Variants in SORCS1 observed in about 807,000 individuals in gnomAD.
SORCS1 encodes sortilin related VPS10 domain containing receptor 1.
A neutral mutation model predicts 146.1 loss-of-function variants in SORCS1; 60 were observed. The ratio of observed to expected loss-of-function variants is 0.41; its 90% CI spans 0.33 to 0.51. The LOEUF is 0.51. SORCS1 is among the 20% of genes least tolerant of loss of function. The pLI is 0.21. For synonymous variants in SORCS1, 637 were observed against 584.0 expected (o/e 1.09, Z -1.31); for missense variants, 1,352 against 1,487.6 (o/e 0.91, Z 1.50).
At chr10:106,622,863 G>A (rs1398487375) in intron 19 of SORCS1, among the ~76,000 whole-genome samples, 2 of 152,170 alleles carry the variant, frequency 1.3e-5, no homozygotes, top group Non-Finnish European at 2.9e-5. Context: ...GCAGATGGAA[G>A]TGTTTGAAAG....
rs144549300 is a variant in SORCS1 at position 106,667,583 on chromosome 10, G to A, written c.2303+106C>T. The A allele has an allele frequency of 1.9e-4, 144 of 742,498 alleles. 3 individuals are homozygous for A. In the East Asian group the frequency reaches 2.5e-3, roughly 13 times the overall value. 46.0% of individuals were successfully genotyped at this position (742,498 alleles called of 1,614,324 possible). On this transcript the variant is annotated intron_variant, in intron 17 of 25. Coordinates refer to ENST00000263054, the MANE Select transcript of SORCS1 (RefSeq NM_052918.5). ...TGAACAAAAGCAATTACATTGTGCT[G>A]TAAGGAAATATGCTTGGTCCTTGAT...
chr10:107,162,716 C>T (rs1969798938), intron 1 of SORCS1, among the ~76,000 whole-genome samples: 1 of 152,180 alleles, frequency 6.6e-6, no homozygotes, highest in South Asian at 2.1e-4. Flanking sequence ...ATGTTCACAA[C>T]TCTCATTAAA....
intron 18 of SORCS1, among the ~76,000 whole-genome samples, chr10:106,629,974 G>T (rs1307688922): frequency 6.6e-6 from 1 of 152,212 alleles, no homozygotes; most frequent in Non-Finnish European, 1.5e-5. Flanking sequence ...GAATCTGGCA[G>T]GCAGAGGTTG....
intron 1 of SORCS1, among the ~76,000 whole-genome samples, chr10:107,114,930 CAT>C (rs897622444): frequency 1.8e-4 from 28 of 152,002 alleles, no homozygotes; most frequent in African/African-American, 5.3e-4. Context: ...TCGACATACA[CAT>C]GTCAGTTGCA....
intron 1 of SORCS1, among the ~76,000 whole-genome samples, chr10:107,093,877 T>C (rs1456666842): frequency 6.6e-6 from 1 of 152,120 alleles, no homozygotes. Flanking sequence ...AACTTTATCT[T>C]CTTGCTCTTT....
At chr10:107,126,858 A>G (rs982575686) in intron 1 of SORCS1, among the ~76,000 whole-genome samples, 19 of 152,130 alleles carry the variant, frequency 1.2e-4, no homozygotes, top group African/African-American at 4.6e-4. Flanking sequence ...CAGAAAAACG[A>G]GCCTAAAAGA....
intron 2 of SORCS1, among the ~76,000 whole-genome samples, chr10:106,876,848 C>A (rs1031997295): frequency 2.0e-5 from 3 of 151,774 alleles, no homozygotes; most frequent in African/African-American, 4.8e-5. Flanking sequence ...GTGTCTCTTG[C>A]AAATACTACC....
chr10:106,825,574 G>GTT (rs36111826), intron 3 of SORCS1, among the ~76,000 whole-genome samples: 1 of 146,928 alleles, frequency 6.8e-6, no homozygotes, highest in Admixed American at 6.8e-5. Context: ...GCCCAGCCAA[G>GTT]TTTTTTTTTT....
At chr10:106,725,172 T>C (rs1002106540) in intron 6 of SORCS1, among the ~76,000 whole-genome samples, 1 of 151,948 alleles carries the variant, frequency 6.6e-6, no homozygotes, top group African/African-American at 2.4e-5. Context: ...AATAAAAACA[T>C]TATATTATTG....
rs11461091 is a variant in SORCS1 at position 106,960,411 on chromosome 10, C to CTTT, written c.559-3834_559-3832dup. 6.9e-6 allele frequency among the ~76,000 whole-genome samples: 1 copy of CTTT among 145,482 alleles called. No individual in the cohort carries two copies. The highest frequency in any genetic ancestry group is 1.5e-5 in the Non-Finnish European group (1 of 65,846). On this transcript the variant is annotated intron_variant, in intron 1 of 25. Coordinates refer to ENST00000263054, the MANE Select transcript of SORCS1 (RefSeq NM_052918.5). The surrounding 1 kb of genome is among the most constrained non-coding windows in gnomAD (Gnocchi z 4.4). ...CCATACGTTTTCTCTTTTTCTTTTT[C>CTTT]TTTTTTTTTTTTGAGATGGAATCTC...
chr10:107,045,730 T>A (rs1959320277), intron 1 of SORCS1, among the ~76,000 whole-genome samples: 1 of 151,990 alleles, frequency 6.6e-6, no homozygotes, highest in African/African-American at 2.4e-5. Flanking sequence ...ATAACATGGA[T>A]ATATATTTAT....
chr10:107,159,618 C>G (rs1042679222), intron 1 of SORCS1, among the ~76,000 whole-genome samples: 1 of 152,054 alleles, frequency 6.6e-6, no homozygotes, highest in African/African-American at 2.4e-5. Context: ...TGGGGAGACT[C>G]AGGCTCAAAG....
At chr10:106,762,547 C>A (rs1233704166) in intron 4 of SORCS1, among the ~76,000 whole-genome samples, 1 of 151,524 alleles carries the variant, frequency 6.6e-6, no homozygotes, top group Non-Finnish European at 1.5e-5. Context: ...TGCCTGCCAC[C>A]AAGCCCGGCT....
intron 2 of SORCS1, among the ~76,000 whole-genome samples, chr10:106,943,561 G>C (rs536072445): frequency 1.3e-5 from 2 of 151,876 alleles, no homozygotes; most frequent in African/African-American, 4.8e-5. Context: ...TAATCCCAGC[G>C]CTTTGGGAGG....
chr10:107,096,135 T>C (rs1392024594), intron 1 of SORCS1, among the ~76,000 whole-genome samples: 1 of 152,216 alleles, frequency 6.6e-6, no homozygotes, highest in African/African-American at 2.4e-5. Flanking sequence ...ATGAATTGCA[T>C]TTTATCCAGT....
chr10:106,773,332 T>C (rs1285027247), intron 4 of SORCS1, among the ~76,000 whole-genome samples: 1 of 152,180 alleles, frequency 6.6e-6, no homozygotes, highest in African/African-American at 2.4e-5. Context: ...TGCTAAAAGT[T>C]CCACGACCCA....
chr10:106,681,351 G>A (rs929299784), intron 10 of SORCS1, among the ~76,000 whole-genome samples: 2 of 152,140 alleles, frequency 1.3e-5, no homozygotes, highest in African/African-American at 2.4e-5. Flanking sequence ...GCACAATCTT[G>A]TATTATCTAT....
At position 106,960,997 on chromosome 10, in the gene SORCS1, C is replaced by T. The variant is rs1446858448; in HGVS notation, c.559-4417G>A. Reference sequence around the variant, plus strand: ...CCTTCTGGATAGGGAGTTGAGAAACCATCACAAAGGACTCTGTGAGAGGAG... The same window carrying T: ...CCTTCTGGATAGGGAGTTGAGAAACTATCACAAAGGACTCTGTGAGAGGAG... On this transcript the variant is annotated intron_variant, in intron 1 of 25. Coordinates refer to ENST00000263054, the MANE Select transcript of SORCS1 (RefSeq NM_052918.5). The surrounding 1 kb of genome is among the most constrained non-coding windows in gnomAD (Gnocchi z 4.4). Among the ~76,000 whole-genome samples the T allele has an allele frequency of 6.6e-6, 1 of 152,144 alleles. No individual in the cohort carries two copies. The highest frequency in any genetic ancestry group is 1.5e-5 in the Non-Finnish European group (1 of 68,028).
At chr10:107,098,464 G>GT (rs1964683221) in intron 1 of SORCS1, among the ~76,000 whole-genome samples, 1 of 152,136 alleles carries the variant, frequency 6.6e-6, no homozygotes, top group African/African-American at 2.4e-5. Flanking sequence ...TTTTGTTTTG[G>GT]TTTTTTCCAC....
Sources: gnomAD v4.1 joint callset for allele counts (sites outside exome capture counted in the v4.1 genomes callset) on GRCh38, gnomAD v4.1.1 for gene constraint, Gnocchi (gnomAD v3.1) non-coding constraint, MANE v1.5 for transcripts, NCBI Gene and HGNC (gene_info 2026-07-23, HGNC 2026-07-21) for gene names.